The following TMEM164 variants were observed in gnomAD, a reference collection of about 807,000 sequenced individuals.
The protein encoded by TMEM164 is RP13-360B22.2.
In TMEM164, 4 loss-of-function variants were observed where a neutral mutation model predicts 18.8. The observed-to-expected ratio is 0.21, with a 90% CI of 0.10 to 0.49. The LOEUF (loss-of-function observed/expected upper bound fraction) is 0.49. Ranked by LOEUF, TMEM164 falls within the 20% of genes least tolerant of loss-of-function variation. The pLI is 0.98. For missense variants in TMEM164, 108 were observed against 239.9 expected, an observed-to-expected ratio of 0.45 and a Z score of 3.63; for synonymous variants, 86 against 101.7, an observed-to-expected ratio of 0.85 and a Z score of 0.93.
intron 2 of TMEM164, among the ~76,000 whole-genome samples, chrX:110,049,410 G>A (rs1935452201): frequency 9.0e-6 from 1 of 111,362 alleles, no homozygotes; most frequent in East Asian, 2.8e-4. Flanking sequence ...GGATGAAACT[G>A]TTCCACTTCA....
At chrX:110,032,130 A>G (rs1480232376) in intron 2 of TMEM164, among the ~76,000 whole-genome samples, 4 of 111,882 alleles carry the variant, frequency 3.6e-5, no homozygotes, top group African/African-American at 6.5e-5. Context: ...AAAAATGCCA[A>G]TTACTCATCT....
chrX:110,072,255 C>T (rs943751264), intron 3 of TMEM164, among the ~76,000 whole-genome samples: 2 of 98,301 alleles, frequency 2.0e-5, no homozygotes, highest in African/African-American at 3.9e-5. Flanking sequence ...GAGATGAGAT[C>T]GCACCACTGC....
At chrX:110,004,308 C>G in intron 2 of TMEM164, 144 bp downstream of exon 2, 1 of 759,288 alleles carries the variant, frequency 1.3e-6, no homozygotes, top group Non-Finnish European at 1.9e-6. Context: ...GCCTTTGTGC[C>G]GATTTCAGGT....
intron 3 of TMEM164, among the ~76,000 whole-genome samples, chrX:110,081,226 G>A (rs1348758965): frequency 9.0e-6 from 1 of 111,003 alleles, no homozygotes; most frequent in African/African-American, 3.3e-5. Context: ...TTGGGGGATA[G>A]CGAATACATT....
intron 2 of TMEM164, among the ~76,000 whole-genome samples, chrX:110,040,874 C>A (rs1431504680): frequency 9.0e-6 from 1 of 111,432 alleles, no homozygotes; most frequent in African/African-American, 3.3e-5. Context: ...TGCTAAATGT[C>A]ATCTTTTTTT....
At chrX:110,095,650 G>T (rs1330679148) in intron 3 of TMEM164, among the ~76,000 whole-genome samples, 2 of 112,102 alleles carry the variant, frequency 1.8e-5, no homozygotes, top group Non-Finnish European at 3.8e-5. Flanking sequence ...GGAGAAGTTT[G>T]TTATTACCGA....
intron 4 of TMEM164, among the ~76,000 whole-genome samples, chrX:110,136,282 C>T (rs1448959324): frequency 2.7e-5 from 3 of 111,157 alleles, no homozygotes; most frequent in Non-Finnish European, 5.7e-5. Context: ...TCATTTAGGT[C>T]GTGGCATTCC....
chrX:110,158,780 A>G (rs933969221), intron 5 of TMEM164, among the ~76,000 whole-genome samples: 1 of 111,910 alleles, frequency 8.9e-6, no homozygotes, highest in Non-Finnish European at 1.9e-5. Context: ...TTCTGCTGAG[A>G]TGTGCACGAC....
At chrX:110,130,792 A>G (rs1015698266) in intron 4 of TMEM164, among the ~76,000 whole-genome samples, 1 of 111,073 alleles carries the variant, frequency 9.0e-6, no homozygotes, top group African/African-American at 3.3e-5. Flanking sequence ...TAAAGATTCT[A>G]CACATTCTCT....
intron 2 of TMEM164, among the ~76,000 whole-genome samples, chrX:110,026,654 C>G (rs1602494304): frequency 8.9e-6 from 1 of 111,896 alleles, no homozygotes; most frequent in Admixed American, 9.5e-5. Context: ...ATTTAATCCT[C>G]ACAAGAATTC....
chrX:110,017,046 G>C (rs1015433395), intron 2 of TMEM164, among the ~76,000 whole-genome samples: 2 of 112,064 alleles, frequency 1.8e-5, no homozygotes, highest in Non-Finnish European at 3.8e-5. Flanking sequence ...TACTTTCTCA[G>C]GTTGTTAAAA....
chrX:110,034,989 A>G (rs1418252725), intron 2 of TMEM164, among the ~76,000 whole-genome samples: 1 of 101,028 alleles, frequency 9.9e-6, no homozygotes. Context: ...CAAACACCGC[A>G]TATTCTCACT....
intron 5 of TMEM164, among the ~76,000 whole-genome samples, chrX:110,155,919 T>G (rs1435561086): frequency 8.9e-6 from 1 of 111,807 alleles, no homozygotes; most frequent in African/African-American, 3.3e-5. Flanking sequence ...GTTTTGTTTT[T>G]TTAGAGATGG....
intron 3 of TMEM164, among the ~76,000 whole-genome samples, chrX:110,094,210 G>T (rs1159919282): frequency 1.8e-5 from 2 of 111,891 alleles, no homozygotes; most frequent in Non-Finnish European, 3.8e-5. Context: ...AGTCCACTTG[G>T]TGCAGAGCTG....
rs779877851 is a variant in TMEM164, at chrX:110,165,315, T to A, written c.587-6105T>A. Among the ~76,000 whole-genome samples, 31 of 113,075 alleles carry A rather than the reference T, an allele frequency of 2.7e-4. 1 individual carries two copies. The highest frequency in any genetic ancestry group is 5.2e-4 in the Non-Finnish European group (28 of 53,415). ...GACTGAGGAACCAAAGTTTTAATTC[T>A]GCTTAATTTTAATTCATTTAAATGT... is the stretch of plus-strand genomic sequence containing the variant. On this transcript the variant is annotated intron_variant, in intron 5 of 6. Transcript: ENST00000372068.
At chrX:110,091,512 G>A (rs1335083428) in intron 3 of TMEM164, among the ~76,000 whole-genome samples, 5 of 111,899 alleles carry the variant, frequency 4.5e-5, no homozygotes, top group African/African-American at 1.3e-4. Flanking sequence ...TCTTCTTTTG[G>A]GAAGTGTCTG....
At chrX:110,039,720 A>G (rs1222673128) in intron 2 of TMEM164, among the ~76,000 whole-genome samples, 1 of 112,538 alleles carries the variant, frequency 8.9e-6, no homozygotes, top group Non-Finnish European at 1.9e-5. Context: ...ATTTAAGGAA[A>G]GCTTTCCAGT....
At chrX:110,100,467 C>A (rs1247773684) in intron 3 of TMEM164, among the ~76,000 whole-genome samples, 1 of 111,565 alleles carries the variant, frequency 9.0e-6, no homozygotes, top group Admixed American at 9.5e-5. Context: ...ACTTTTTAGT[C>A]TTTTTTAGTC....
chrX:110,083,543 G>A (rs893504010), intron 3 of TMEM164, among the ~76,000 whole-genome samples: 4 of 110,236 alleles, frequency 3.6e-5, no homozygotes, highest in African/African-American at 1.3e-4. Context: ...CCATTTTTTC[G>A]TCCAAATGAA....
Sources: gnomAD v4.1 joint callset for allele counts (sites outside exome capture counted in the v4.1 genomes callset) on GRCh38, gnomAD v4.1.1 for gene constraint, MANE v1.5 for transcripts, NCBI Gene and HGNC (gene_info 2026-07-23, HGNC 2026-07-21) for gene names.